Variants in LUZP2 observed in about 807,000 individuals in gnomAD.
LUZP2 encodes the protein leucine zipper protein 2.
LUZP2 carries 52 observed loss-of-function variants against 51.6 expected under a neutral mutation model. The ratio of observed to expected loss-of-function variants is 1.01; its 90% CI spans 0.81 to 1.27. The LOEUF (loss-of-function observed/expected upper bound fraction) is 1.27, where lower values mean the gene tolerates loss of function less well. Among genes scored for constraint, LUZP2 ranks in the 50% most tolerant of loss-of-function variants. The pLI, the probability that LUZP2 is intolerant of heterozygous loss-of-function variation, is 0.00. For synonymous variants in LUZP2, 154 were observed against 137.3 expected (o/e 1.12, Z -0.85); for missense variants, 436 against 395.4 (o/e 1.10, Z -0.87).
chr11:25,041,293 A>G (rs971347250), intron 9 of LUZP2, among the ~76,000 whole-genome samples: 1 of 152,168 alleles, frequency 6.6e-6, no homozygotes, highest in African/African-American at 2.4e-5. Flanking sequence ...AACAACAATA[A>G]TTAATAATAA....
At chr11:25,014,919 A>G (rs1269378808) in intron 9 of LUZP2, among the ~76,000 whole-genome samples, 1 of 152,118 alleles carries the variant, frequency 6.6e-6, no homozygotes, top group East Asian at 1.9e-4. Flanking sequence ...TCTTGAATTA[A>G]TTTTTGTATA....
chr11:24,629,487 A>T (rs958269938), intron 1 of LUZP2, among the ~76,000 whole-genome samples: 1 of 147,520 alleles, frequency 6.8e-6, no homozygotes, highest in Non-Finnish European at 1.5e-5. Context: ...TATATATTCC[A>T]TTGCATATAT....
chr11:24,874,580 C>G (rs969388137), intron 5 of LUZP2, among the ~76,000 whole-genome samples: 1 of 152,124 alleles, frequency 6.6e-6, no homozygotes, highest in Non-Finnish European at 1.5e-5. Flanking sequence ...AGCCATATCC[C>G]TAATAGCCCC....
intron 9 of LUZP2, among the ~76,000 whole-genome samples, chr11:25,029,968 C>T (rs902056456): frequency 6.6e-6 from 1 of 151,960 alleles, no homozygotes; most frequent in African/African-American, 2.4e-5. Flanking sequence ...GTGTACATAA[C>T]ATAATAAAAC....
At chr11:25,014,413 T>G (rs1394178404) in intron 9 of LUZP2, among the ~76,000 whole-genome samples, 4 of 152,186 alleles carry the variant, frequency 2.6e-5, no homozygotes, top group Non-Finnish European at 5.9e-5. Context: ...CAGCACCTGT[T>G]GTTTCCTGAC....
In LUZP2 at chr11:25,079,428, G is replaced by A. The variant is rs1859409098; in HGVS notation, c.*770G>A. ...GATTTTTGGTATGAAGTTGGGTAGTGGAATAGGGAATGAAGAGTGAGTTCT... is the reference window on the plus strand; with the variant it reads ...GATTTTTGGTATGAAGTTGGGTAGTAGAATAGGGAATGAAGAGTGAGTTCT... On this transcript the variant is annotated 3_prime_UTR_variant, in exon 12 of 12. Coordinates refer to ENST00000336930, the MANE Select transcript of LUZP2 (RefSeq NM_001009909.4). 1 of 152,118 alleles carries A rather than the reference G, an allele frequency of 6.6e-6. No homozygotes were observed. Among genetic ancestry groups the A allele is most frequent in the African/African-American group, 2.4e-5 (1 of 41,434 alleles). 9.4% of individuals were successfully genotyped at this position (152,118 alleles called of 1,614,324 possible). A position where few individuals can be genotyped will look rare whatever the true frequency, so the allele number is the denominator to read the frequency against.
At chr11:24,791,324 A>G (rs1849402305) in intron 5 of LUZP2, among the ~76,000 whole-genome samples, 1 of 152,178 alleles carries the variant, frequency 6.6e-6, no homozygotes, top group Non-Finnish European at 1.5e-5. Flanking sequence ...TGAGCTATGT[A>G]TTTGAATATC....
chr11:25,075,125 C>T (rs1377681107), intron 10 of LUZP2, among the ~76,000 whole-genome samples: 1 of 152,046 alleles, frequency 6.6e-6, no homozygotes. Context: ...TATAATATTT[C>T]CAGAGAAATG....
intron 5 of LUZP2, among the ~76,000 whole-genome samples, chr11:24,832,610 G>A (rs1208546789): frequency 6.6e-6 from 1 of 151,286 alleles, no homozygotes; most frequent in Non-Finnish European, 1.5e-5. Flanking sequence ...AAAATCACTA[G>A]TATCCTTAGT....
chr11:24,816,203 G>T (rs894825593), intron 5 of LUZP2, among the ~76,000 whole-genome samples: 2 of 151,950 alleles, frequency 1.3e-5, no homozygotes, highest in Admixed American at 1.3e-4. Context: ...TAGTTAGAAT[G>T]ATCTGAACAA....
At chr11:24,594,750 CTTTTTTTTTTTT>C (rs61196514) in intron 1 of LUZP2, among the ~76,000 whole-genome samples, 2 of 78,554 alleles carry the variant, frequency 2.5e-5, no homozygotes, top group African/African-American at 1.1e-4. Context: ...GTTTGGGACA[CTTTTTTTTTTTT>C]TTTTTTTTTT....
At chr11:24,894,740 C>T (rs990827068) in intron 5 of LUZP2, among the ~76,000 whole-genome samples, 1 of 152,106 alleles carries the variant, frequency 6.6e-6, no homozygotes, top group Non-Finnish European at 1.5e-5. Flanking sequence ...GTGGAAAGCA[C>T]TTTGGAGCTT....
chr11:24,738,080 T>C, intron 3 of LUZP2, 141 bp from the exon 4 acceptor site: 1 of 506,848 alleles, frequency 2.0e-6, no homozygotes, highest in Non-Finnish European at 3.5e-6. Context: ...ACACATCCTG[T>C]ATGCTTAACT....
chr11:24,645,430 T>C (rs1565050088), intron 1 of LUZP2, among the ~76,000 whole-genome samples: 2 of 152,170 alleles, frequency 1.3e-5, no homozygotes, highest in Non-Finnish European at 2.9e-5. Flanking sequence ...TAGTCACTCA[T>C]GTTCCTTTAA....
intron 1 of LUZP2, among the ~76,000 whole-genome samples, chr11:24,527,567 T>TCA (rs1554948856): frequency 0.012 from 1,525 of 131,606 alleles, 9 homozygotes; most frequent in Non-Finnish European, 0.015. Context: ...TCTCTCTCTC[T>TCA]CACACACACA....
chr11:24,960,268 A>G (rs1450150804), intron 7 of LUZP2, among the ~76,000 whole-genome samples: 8 of 152,208 alleles, frequency 5.3e-5, no homozygotes, highest in Non-Finnish European at 1.2e-4. Flanking sequence ...GCCTCTTAAA[A>G]TGAGTTAGGG....
chr11:24,973,894 A>T (rs1424836154), intron 7 of LUZP2, among the ~76,000 whole-genome samples: 1 of 152,098 alleles, frequency 6.6e-6, no homozygotes, highest in African/African-American at 2.4e-5. Context: ...CAGCAATGAG[A>T]ACAATGTATA....
At chr11:24,519,915 G>T (rs934820513) in intron 1 of LUZP2, among the ~76,000 whole-genome samples, 2 of 152,154 alleles carry the variant, frequency 1.3e-5, no homozygotes, top group African/African-American at 4.8e-5. Context: ...CAGTACCTTT[G>T]TTCCTCTCTA....
At chr11:24,616,295 C>T (rs548646271) in intron 1 of LUZP2, among the ~76,000 whole-genome samples, 73 of 152,082 alleles carry the variant, frequency 4.8e-4, no homozygotes, top group African/African-American at 1.4e-3. Flanking sequence ...GATTTCACCC[C>T]ACCTTTTCCC....
Sources: gnomAD v4.1 joint callset for allele counts (sites outside exome capture counted in the v4.1 genomes callset) on GRCh38, gnomAD v4.1.1 for gene constraint, MANE v1.5 for transcripts, NCBI Gene and HGNC (gene_info 2026-07-23, HGNC 2026-07-21) for gene names.